The following GALNTL6 variants were observed in gnomAD, a reference collection of about 807,000 sequenced individuals.
GALNTL6 encodes polypeptide N-acetylgalactosaminyltransferase-like 6.
GALNTL6 carries 46 observed loss-of-function variants against 73.7 expected under a neutral mutation model. That is an observed-to-expected ratio of 0.62 (90% CI 0.49 to 0.80). GALNTL6 has a LOEUF of 0.80. Ranked by LOEUF, GALNTL6 falls within the 30% of genes least tolerant of loss-of-function variation. The pLI, the probability that GALNTL6 is intolerant of heterozygous loss-of-function variation, is 0.00. For synonymous variants in GALNTL6, 259 were observed against 263.7 expected (o/e 0.98, Z 0.17); for missense variants, 604 against 755.0 (o/e 0.80, Z 2.34).
At chr4:171,879,337 A>G (rs1489690354) in intron 2 of GALNTL6, among the ~76,000 whole-genome samples, 1 of 152,218 alleles carries the variant, frequency 6.6e-6, no homozygotes, top group Non-Finnish European at 1.5e-5. Context: ...AATGGCATAT[A>G]GAAGCAGGTT....
intron 8 of GALNTL6, among the ~76,000 whole-genome samples, chr4:172,905,664 A>T (rs1746843713): frequency 6.6e-6 from 1 of 152,034 alleles, no homozygotes; most frequent in African/African-American, 2.4e-5. Context: ...AAGTCCACAA[A>T]ATTAGCCAAA....
chr4:172,876,448 CT>C (rs1049736222), intron 7 of GALNTL6, among the ~76,000 whole-genome samples: 1 of 152,096 alleles, frequency 6.6e-6, no homozygotes, highest in Non-Finnish European at 1.5e-5. Context: ...AAACAGAGAG[CT>C]TTTTTTATTT....
intron 5 of GALNTL6, among the ~76,000 whole-genome samples, chr4:172,628,703 C>T (rs1356667749): frequency 6.6e-6 from 1 of 152,084 alleles, no homozygotes; most frequent in Non-Finnish European, 1.5e-5. Flanking sequence ...TATTCAAGGG[C>T]TCACAATTGA....
At chr4:172,315,193 A>G (rs968779602) in intron 4 of GALNTL6, among the ~76,000 whole-genome samples, 1 of 152,080 alleles carries the variant, frequency 6.6e-6, no homozygotes, top group African/African-American at 2.4e-5. Flanking sequence ...TTCTTACACT[A>G]TCTGTGCTTT....
At chr4:172,026,893 A>T (rs904995878) in intron 2 of GALNTL6, among the ~76,000 whole-genome samples, 1 of 151,800 alleles carries the variant, frequency 6.6e-6, no homozygotes, top group African/African-American at 2.4e-5. Flanking sequence ...TTATTTATTT[A>T]TTTTTTGAGA....
At chr4:171,820,974 G>A (rs919975279) in intron 2 of GALNTL6, among the ~76,000 whole-genome samples, 12 of 151,996 alleles carry the variant, frequency 7.9e-5, no homozygotes, top group African/African-American at 2.7e-4. Context: ...TATTAAAAAT[G>A]ACCAAATTGT....
intron 4 of GALNTL6, among the ~76,000 whole-genome samples, chr4:172,318,575 G>A (rs894959245): frequency 3.9e-5 from 6 of 152,108 alleles, no homozygotes; most frequent in South Asian, 2.1e-4. Flanking sequence ...GGTGGTGGGC[G>A]CCTGTAATCC....
intron 3 of GALNTL6, among the ~76,000 whole-genome samples, chr4:172,267,275 AGG>A (rs1426585344): frequency 6.6e-6 from 1 of 152,144 alleles, no homozygotes; most frequent in Non-Finnish European, 1.5e-5. Context: ...GGATTCTTCT[AGG>A]AAGTACCATT....
At chr4:171,951,903 G>T (rs1738894150) in intron 2 of GALNTL6, among the ~76,000 whole-genome samples, 2 of 151,906 alleles carry the variant, frequency 1.3e-5, no homozygotes, top group African/African-American at 4.8e-5. Flanking sequence ...ACAGAAATAA[G>T]TAGCACATTA....
chr4:172,439,207 CA>C (rs1731743419), intron 5 of GALNTL6, among the ~76,000 whole-genome samples: 1 of 139,824 alleles, frequency 7.2e-6, no homozygotes, highest in Admixed American at 7.1e-5. Flanking sequence ...CACACACACA[CA>C]CACTTCTCAC....
chr4:172,379,529 T>A (rs1579014601), intron 5 of GALNTL6, among the ~76,000 whole-genome samples: 1 of 69,150 alleles, frequency 1.4e-5, no homozygotes, highest in African/African-American at 5.7e-5. Flanking sequence ...AGAGCGAGAC[T>A]CCGTCTCAAA....
chr4:172,435,206 A>G (rs1579069025), intron 5 of GALNTL6, among the ~76,000 whole-genome samples: 2 of 152,194 alleles, frequency 1.3e-5, no homozygotes, highest in African/African-American at 4.8e-5. Context: ...ATATCTGTGC[A>G]CTACTTTTAA....
At chr4:172,698,677 T>C (rs1733837353) in intron 5 of GALNTL6, among the ~76,000 whole-genome samples, 1 of 152,156 alleles carries the variant, frequency 6.6e-6, no homozygotes, top group South Asian at 2.1e-4. Flanking sequence ...TTGATGGAGA[T>C]GGGGAATGGG....
rs146808338 is a variant in GALNTL6, at chr4:172,932,421, G to A, written c.1149+1153G>A. Among the ~76,000 whole-genome samples the A allele has an allele frequency of 6.1e-3, 925 of 152,222 alleles. 34 individuals carry two copies. The highest frequency in any genetic ancestry group is 0.054 in the Admixed American group (832 of 15,278). Reference sequence around the variant, plus strand: ...CTTTTACAGTGAATCTTTGTGGGGCGGGGGGAGTTGTTCTTCCTTTTTCCC... The same window carrying A: ...CTTTTACAGTGAATCTTTGTGGGGCAGGGGGAGTTGTTCTTCCTTTTTCCC... On this transcript the variant is annotated intron_variant, in intron 9 of 12. Transcript: ENST00000506823.
At position 172,978,713 on chromosome 4, in the gene GALNTL6, T is replaced by C. The variant is rs140128412; in HGVS notation, c.1371+26455T>C. On this transcript the variant is annotated intron_variant, in intron 10 of 12. Transcript: ENST00000506823. ...GCTAAATATTCATTGGCTTTCCTCA[T>C]TCTTTAATTCTACAAACATATATTG... is the stretch of plus-strand genomic sequence containing the variant. Among the ~76,000 whole-genome samples the C allele has an allele frequency of 3.0e-3, 463 of 152,358 alleles. 2 individuals carry two copies. Among genetic ancestry groups the C allele is most frequent in the African/African-American group, 0.011 (443 of 41,578 alleles).
intron 2 of GALNTL6, among the ~76,000 whole-genome samples, chr4:171,825,049 T>C (rs1414570384): frequency 6.6e-6 from 1 of 152,204 alleles, no homozygotes; most frequent in African/African-American, 2.4e-5. Context: ...TACTACATGG[T>C]GTTAATTTCT....
chr4:172,855,579 C>T (rs1006303508), intron 7 of GALNTL6, among the ~76,000 whole-genome samples: 5 of 152,120 alleles, frequency 3.3e-5, no homozygotes, highest in Admixed American at 1.3e-4. Flanking sequence ...TCTGATTTCT[C>T]GGTTCTCCTG....
At chr4:172,658,437 G>C (rs1357192103) in intron 5 of GALNTL6, among the ~76,000 whole-genome samples, 1 of 146,252 alleles carries the variant, frequency 6.8e-6, no homozygotes, top group Non-Finnish European at 1.5e-5. Context: ...ACTGCACTCC[G>C]GCCTGGGCGA....
intron 5 of GALNTL6, among the ~76,000 whole-genome samples, chr4:172,360,749 G>A (rs1036424731): frequency 6.6e-6 from 1 of 152,166 alleles, no homozygotes; most frequent in Non-Finnish European, 1.5e-5. Flanking sequence ...GTTTGTGATT[G>A]TACTGCTCTT....
Sources: allele counts gnomAD v4.1 joint callset (sites outside exome capture counted in the v4.1 genomes callset), GRCh38; gene constraint gnomAD v4.1.1; transcripts MANE v1.5; gene names NCBI Gene and HGNC (gene_info 2026-07-23, HGNC 2026-07-21).